KATNA1: variants seen among roughly 807,000 people sequenced by gnomAD.
The protein encoded by KATNA1 is katanin catalytic subunit A1.
A neutral mutation model predicts 62.6 loss-of-function variants in KATNA1; 42 were observed. The observed-to-expected ratio is 0.67, with a 90% CI of 0.52 to 0.87. The LOEUF is 0.87. KATNA1 is among the 40% of genes least tolerant of loss of function. The pLI is 0.00. For synonymous variants in KATNA1, 186 were observed against 201.9 expected, an observed-to-expected ratio of 0.92 and a Z score of 0.67; for missense variants, 498 against 612.5, an observed-to-expected ratio of 0.81 and a Z score of 1.97.
intron 1 of KATNA1, among the ~76,000 whole-genome samples, chr6:149,642,769 G>T (rs532336193): frequency 1.3e-5 from 2 of 152,242 alleles, no homozygotes; most frequent in Non-Finnish European, 2.9e-5. Flanking sequence ...ACATATCCAA[G>T]AAAGTACCTT....
intron 2 of KATNA1, among the ~76,000 whole-genome samples, chr6:149,633,366 C>A (rs1779929994): frequency 1.3e-5 from 2 of 152,058 alleles, no homozygotes; most frequent in African/African-American, 4.8e-5. Flanking sequence ...CTAGGCCTCC[C>A]AAAATGCTGG....
intron 10 of KATNA1, among the ~76,000 whole-genome samples, chr6:149,596,574 C>CT (rs879705450): frequency 7.3e-4 from 107 of 146,650 alleles, no homozygotes; most frequent in Non-Finnish European, 5.9e-4. Context: ...CTTTATTCAT[C>CT]TTTTTTTTTT....
intron 4 of KATNA1, among the ~76,000 whole-genome samples, chr6:149,605,164 C>T (rs774241691): frequency 6.7e-6 from 1 of 149,130 alleles, no homozygotes; most frequent in African/African-American, 2.5e-5. Flanking sequence ...CAGACCGAGA[C>T]ACCAACTCAA....
chr6:149,644,583 T>C (rs1178170192), intron 1 of KATNA1, among the ~76,000 whole-genome samples: 1 of 151,972 alleles, frequency 6.6e-6, no homozygotes, highest in Non-Finnish European at 1.5e-5. Flanking sequence ...ATCACACCAC[T>C]GCACTCTAGC....
intron 3 of KATNA1, among the ~76,000 whole-genome samples, chr6:149,623,728 A>T (rs758130659): frequency 3.3e-5 from 5 of 151,952 alleles, no homozygotes; most frequent in Non-Finnish European, 5.9e-5. Context: ...ACAGAACGAG[A>T]CTCCGTTTCA....
rs1463660721 is a variant in KATNA1, at chr6:149,597,133, C to G, written c.1207G>C (p.Asp403His). The G allele has an allele frequency of 6.2e-7, 1 of 1,614,168 alleles. No individual in the cohort carries two copies. ...TCTGCTATACTTGCAAGGTCAACAT[C>G]ATCAGCCAATTCCAACTCACGTAGA... is the stretch of plus-strand genomic sequence containing the variant. Reference protein sequence around the residue: ...ISLRELELADDVDLASIAENM... With the variant: ...ISLRELELADHVDLASIAENM... Residue 403 changes from aspartate to histidine, a missense_variant, in exon 10 of 11, where the codon GAT becomes CAT. Around this residue, in one of 3 missense-constraint regions of KATNA1, gnomAD observed 267 missense variants for 372.6 expected, o/e 0.72. Coordinates refer to ENST00000367411, the MANE Select transcript of KATNA1 (RefSeq NM_007044.4).
chr6:149,598,040 A>C, intron 8 of KATNA1, 184 bp downstream of exon 8: 1 of 595,100 alleles, frequency 1.7e-6, no homozygotes, highest in Non-Finnish European at 2.9e-6. Context: ...CACCACTGTC[A>C]GTGTACCAAA....
intron 6 of KATNA1, among the ~76,000 whole-genome samples, chr6:149,602,361 TCAAAA>T (rs927498435): frequency 5.3e-5 from 8 of 152,144 alleles, no homozygotes; most frequent in African/African-American, 1.9e-4. Context: ...AGACTCCATC[TCAAAA>T]CAAAACAAAC....
chr6:149,633,062 G>C (rs73779515), intron 2 of KATNA1, 146 bp from the exon 3 acceptor site: 9 of 426,966 alleles, frequency 2.1e-5, no homozygotes, highest in Non-Finnish European at 3.2e-5. Flanking sequence ...CTATCAAAAT[G>C]TTAATAACAG....
intron 6 of KATNA1, among the ~76,000 whole-genome samples, chr6:149,602,228 G>C (rs1190979076): frequency 6.6e-6 from 1 of 152,122 alleles, no homozygotes; most frequent in Admixed American, 6.6e-5. Context: ...TTAGCTGGGC[G>C]TGGTGGTACA....
At chr6:149,601,120 T>C (rs1453699745) in intron 7 of KATNA1, among the ~76,000 whole-genome samples, 1 of 152,154 alleles carries the variant, frequency 6.6e-6, no homozygotes, top group African/African-American at 2.4e-5. Flanking sequence ...TTACATTTCT[T>C]CTATTGGTAC....
intron 4 of KATNA1, among the ~76,000 whole-genome samples, chr6:149,609,986 C>T (rs1582765616): frequency 6.6e-6 from 1 of 151,018 alleles, no homozygotes; most frequent in African/African-American, 2.4e-5. Context: ...GTAATCCCAG[C>T]TACTCGGGAG....
intron 9 of KATNA1, 71 bp downstream of exon 9, chr6:149,597,436 A>C: frequency 6.4e-7 from 1 of 1,566,458 alleles, no homozygotes; most frequent in South Asian, 1.2e-5. Context: ...AGTTAATAAC[A>C]AATTTTAAAT....
intron 4 of KATNA1, among the ~76,000 whole-genome samples, chr6:149,608,119 A>G (rs1284144254): frequency 6.6e-6 from 1 of 152,230 alleles, no homozygotes; most frequent in Non-Finnish European, 1.5e-5. Flanking sequence ...TTATAAATAC[A>G]AAACCCATTA....
chr6:149,609,814 A>AAAAAAAAAAAAAAAAAAAAAAAAAGC (rs1562284874), intron 4 of KATNA1, among the ~76,000 whole-genome samples: 1 of 141,558 alleles, frequency 7.1e-6, no homozygotes, highest in African/African-American at 2.8e-5. Flanking sequence ...AAAAAAAAAA[A>AAAAAAAAAAAAAAAAAAAAAAAAAGC]AATAGGCCAG....
At chr6:149,633,164 C>T (rs1263921184) in intron 2 of KATNA1, among the ~76,000 whole-genome samples, 1 of 134,390 alleles carries the variant, frequency 7.4e-6, no homozygotes, top group Non-Finnish European at 1.5e-5. Flanking sequence ...AGTGCAGTGG[C>T]GTGATCACTC....
chr6:149,595,125 C>A lies in KATNA1; in HGVS notation c.1387G>T (p.Glu463Ter), dbSNP rs142811934. Residue 463 changes from glutamate to a stop codon, truncating the protein, a stop_gained, in exon 11 of 11, where the codon GAG (glutamate) becomes TAG (stop). Transcript: ENST00000367411. LOFTEE classifies it high-confidence loss of function. ...MHMPTTMEDF[E>*]MALKKVSKSV... ...TTAGAAACCTTTTTTAAAGCCATCT[C>A]GAAATCCTCCATAGTTGTAGGCATG... The A allele has an allele frequency of 6.2e-7, 1 of 1,614,030 alleles. No individual in the cohort carries two copies.
At chr6:149,633,773 T>A (rs1266533648) in intron 2 of KATNA1, among the ~76,000 whole-genome samples, 1 of 150,760 alleles carries the variant, frequency 6.6e-6, no homozygotes, top group South Asian at 2.1e-4. Context: ...GCTAACTAAA[T>A]CATACTACTA....
intron 6 of KATNA1, 180 bp from the exon 7 acceptor site, chr6:149,601,932 G>C (rs966538727): frequency 4.4e-6 from 2 of 452,984 alleles, no homozygotes; most frequent in Admixed American, 4.1e-5. Context: ...TAAAAAAGAA[G>C]ATAACCACAT....
Sources: gnomAD v4.1 joint callset for allele counts (sites outside exome capture counted in the v4.1 genomes callset) on GRCh38, gnomAD v4.1.1 for gene constraint, gnomAD v4.1.1 regional missense constraint, MANE v1.5 for transcripts, NCBI Gene and HGNC (gene_info 2026-07-23, HGNC 2026-07-21) for gene names.